SULT1A1: variants seen among roughly 807,000 people sequenced by gnomAD.
SULT1A1 encodes the protein sulfotransferase 1A1.
SULT1A1 carries 35 observed loss-of-function variants against 36.8 expected under a neutral mutation model. The ratio of observed to expected loss-of-function variants is 0.95; its 90% CI spans 0.73 to 1.26. SULT1A1 has a LOEUF of 1.26. Ranked by LOEUF, SULT1A1 falls within the 50% of genes most tolerant of loss-of-function variation. The pLI, the probability that SULT1A1 is intolerant of heterozygous loss-of-function variation, is 0.00. For synonymous variants in SULT1A1, 119 were observed against 146.0 expected (o/e 0.82, Z 1.33); for missense variants, 309 against 383.0 (o/e 0.81, Z 1.61).
intron 1 of SULT1A1, among the ~76,000 whole-genome samples, chr16:28,622,088 T>C (rs1444727681): frequency 6.6e-6 from 1 of 152,170 alleles, no homozygotes; most frequent in African/African-American, 2.4e-5. Flanking sequence ...GACTATAACC[T>C]ATGCAACCTA....
rs1596656118 is a variant in SULT1A1 at position 28,620,970 on chromosome 16, T to C, written c.68-837A>G. On this transcript the variant is annotated intron_variant, in intron 1 of 5. Coordinates refer to the SULT1A1 transcript ENST00000350842. ...TACTAAAAATACAAAATTAGCTGGG[T>C]GTGGTGGCGCATGCCTGTAATCCCA... Among the ~76,000 whole-genome samples the C allele has an allele frequency of 3.3e-5, 5 of 151,614 alleles. No homozygotes were observed. In the South Asian group the frequency reaches 6.2e-4, roughly 19 times the overall value.
At chr16:28,607,764 A>G (rs2047274494) in intron 4 of SULT1A1, 1 of 151,930 alleles carries the variant, frequency 6.6e-6, no homozygotes, top group Admixed American at 6.6e-5. Flanking sequence ...TTCCAGGCTC[A>G]AGCAATCCTC....
rs554402235 is a variant in SULT1A1 at position 28,609,364 on chromosome 16, T to C, written c.-4-505A>G. 1.2e-4 allele frequency: 150 copies of C among 1,290,004 alleles called. 2 individuals carry two copies. The Middle Eastern group carries it at 1.7e-3, about 15-fold the overall frequency. The allele number at this position is 1,290,004 out of a possible 1,614,324, so 79.9% of individuals were successfully genotyped here. A position where few individuals can be genotyped will look rare whatever the true frequency, so the allele number is the denominator to read the frequency against. ...CAGCCAGGCCTGTGATCCACTTGCC[T>C]GGCCACAGTCCATCTGGGCTCCAGG... On this transcript the variant is annotated intron_variant, in intron 1 of 7. Coordinates refer to ENST00000314752, the MANE Select transcript of SULT1A1 (RefSeq NM_001055.4).
chr16:28,606,542 G>GC (rs1246229694), intron 6 of SULT1A1, among the ~76,000 whole-genome samples: 7 of 151,846 alleles, frequency 4.6e-5, no homozygotes, highest in Non-Finnish European at 5.9e-5. Context: ...CTGATCCGTG[G>GC]CCCCCCATGC....
rs941924883 is a variant in SULT1A1, at chr16:28,607,945, G to A, written c.372+346C>T. On this transcript the variant is annotated intron_variant, in intron 4 of 7. Coordinates refer to ENST00000314752, the MANE Select transcript of SULT1A1 (RefSeq NM_001055.4). The stretch of plus-strand genomic sequence containing the variant: ...CTCCCAAAGTGCTGGCATTACAGCA[G>A]TGAGCCACCACAGGTGCCACAGTTT... 1.2e-5 allele frequency: 2 copies of A among 163,838 alleles called. 1 individual carries two copies. Among genetic ancestry groups the A allele is most frequent in the Non-Finnish European group, 2.6e-5 (2 of 76,132 alleles). 10.1% of individuals were successfully genotyped at this position (163,838 alleles called of 1,614,324 possible). A position where few individuals can be genotyped will look rare whatever the true frequency, so the allele number is the denominator to read the frequency against.
Position 28,606,101 on chromosome 16 carries a change from G to C in SULT1A1, c.730C>G (p.Pro244Ala), listed in dbSNP as rs201532344. The change falls in exon 7 of 8, where the codon CCC becomes GCC. Residue 244 changes from proline (P) to alanine (A), a missense_variant. Physicochemically the swap from Pro to Ala is conservative, Grantham distance 27. Transcript: ENST00000314752. ...KNPMTNYTTV[P>A]QEFMDHSISP... is the part of the protein sequence containing the mutation. Reference sequence around the variant, plus strand: ...ATGCTGTGGTCCATGAACTCCTGGGGGACGGTGGTGTAGTTGGTCATAGGG... The same window carrying C: ...ATGCTGTGGTCCATGAACTCCTGGGCGACGGTGGTGTAGTTGGTCATAGGG... The C allele has an allele frequency of 6.2e-5, 100 of 1,611,484 alleles. 4 individuals are homozygous for C. Among genetic ancestry groups the C allele is most frequent in the Non-Finnish European group, 8.1e-5 (96 of 1,178,208 alleles).
At position 28,617,687 on chromosome 16, in the gene SULT1A1, A is replaced by G. The variant is rs546164128; in HGVS notation, c.138+2376T>C. Among the ~76,000 whole-genome samples, 3 of 151,858 alleles carry G rather than the reference A, an allele frequency of 2.0e-5. No individual in the cohort carries two copies. In the East Asian group the frequency reaches 5.8e-4, roughly 29 times the overall value. On this transcript the variant is annotated intron_variant, in intron 2 of 5. Coordinates refer to the SULT1A1 transcript ENST00000350842. ...CTCCTGAGTAGCTGGGATTACAGGC[A>G]CCCGCCACCATGCCTGGCTAATTTT...
intron 2 of SULT1A1, among the ~76,000 whole-genome samples, chr16:28,616,623 A>G (rs1444050124): frequency 3.3e-5 from 5 of 152,004 alleles, no homozygotes; most frequent in Admixed American, 3.3e-4. Context: ...GGGTCTTGCT[A>G]TGTTGCCCAA....
chr16:28,607,028 T>A lies in SULT1A1; in HGVS notation c.422A>T (p.His141Leu). The A allele has an allele frequency of 1.2e-6, 2 of 1,612,470 alleles. 1 individual carries two copies. The highest frequency in any genetic ancestry group is 1.7e-6 in the Non-Finnish European group (2 of 1,178,700). Residue 141 changes from histidine (H) to leucine (L), a missense_variant, in exon 5 of 8, where the codon CAC (histidine) becomes CTC (leucine). Physicochemically the swap from His to Leu is moderately conservative, Grantham distance 99. Around this residue, in one of 3 missense-constraint regions of SULT1A1, gnomAD observed 219 missense variants for 215.3 expected, o/e 1.02. Transcript: ENST00000314752. The stretch of plus-strand genomic sequence containing the variant: ...GTGCACCTTGGCCATGTGGTAGAAG[T>A]GGTAGTAGGAAACTGCCACATCCTT... ...NAKDVAVSYY[H>L]FYHMAKVHPE...
Position 28,605,459 on chromosome 16 carries a change from A to C in SULT1A1, c.*362T>G. ...ATAATTTTCTCAAATTTTTGTAGGG[A>C]TGATGTCTTGTAATGTTGAACAGGC... On this transcript the variant is annotated 3_prime_UTR_variant, in exon 8 of 8. Coordinates refer to ENST00000314752, the MANE Select transcript of SULT1A1 (RefSeq NM_001055.4). The C allele has an allele frequency of 2.7e-6, 1 of 366,220 alleles. No homozygotes were observed. The highest frequency in any genetic ancestry group is 5.2e-6 in the Non-Finnish European group (1 of 193,212). The allele number at this position is 366,220 out of a possible 1,614,324, so 22.7% of individuals were successfully genotyped here.
intron 2 of SULT1A1, chr16:28,620,012 T>TGTGC: frequency 6.8e-7 from 1 of 1,476,698 alleles, no homozygotes; most frequent in Admixed American, 1.7e-5. Flanking sequence ...TGTGTGTGTG[T>TGTGC]ATATACACAC....
Position 28,608,111 on chromosome 16 carries a change from C to T in SULT1A1, c.372+180G>A, listed in dbSNP as rs575627252. 1.0e-4 allele frequency: 92 copies of T among 881,446 alleles called. No homozygotes were observed. In the African/African-American group the frequency reaches 1.2e-3, roughly 11 times the overall value. 54.6% of individuals were successfully genotyped at this position (881,446 alleles called of 1,614,324 possible). Reference sequence around the variant, plus strand: ...CAAGTGATTCTCCTGTCTCAGGCTTCGGAGTAGCTGGGATTACAGGCACCC... The same window carrying T: ...CAAGTGATTCTCCTGTCTCAGGCTTTGGAGTAGCTGGGATTACAGGCACCC... On this transcript the variant is annotated intron_variant, in intron 4 of 7. Coordinates refer to ENST00000314752, the MANE Select transcript of SULT1A1 (RefSeq NM_001055.4).
rs560603060 is a variant in SULT1A1, at chr16:28,621,794, C to G, written c.67+1337G>C. 2.0e-4 allele frequency among the ~76,000 whole-genome samples: 30 copies of G among 152,230 alleles called. 1 individual carries two copies. The South Asian group carries it at 5.2e-3, about 26-fold the overall frequency. ...TCTCCCCAGTTACCCACCCCATCCC[C>G]TTCAAGGCTATAGAAATTGCAATGA... is the stretch of plus-strand genomic sequence containing the variant. On this transcript the variant is annotated intron_variant, in intron 1 of 5. Coordinates refer to the SULT1A1 transcript ENST00000350842.
chr16:28,616,033 C>T (rs1386025694), intron 2 of SULT1A1, among the ~76,000 whole-genome samples: 1 of 152,148 alleles, frequency 6.6e-6, no homozygotes, highest in Admixed American at 6.5e-5. Flanking sequence ...CACGATCCGC[C>T]TGGTAACGGG....
At chr16:28,620,024 CA>C in intron 2 of SULT1A1, 1 of 1,574,982 alleles carries the variant, frequency 6.3e-7, no homozygotes, top group Non-Finnish European at 8.7e-7. Context: ...TATACACACA[CA>C]AAAAGATACT....
exon 2 of SULT1A1, chr16:28,620,123 A>G: frequency 5.0e-6 from 8 of 1,613,046 alleles, no homozygotes; most frequent in Non-Finnish European, 6.8e-6. Context: ...TTCCCTGGAG[A>G]ATGCTCATAC....
At chr16:28,623,178 C>T (rs751373192) in exon 1 of SULT1A1, 34 of 1,547,524 alleles carry the variant, frequency 2.2e-5, no homozygotes, top group Non-Finnish European at 2.9e-5. Context: ...CACCTGGTCG[C>T]ACAGCAACTT....
chr16:28,608,137 G>A (rs1039284862), intron 4 of SULT1A1, 154 bp downstream of exon 4: 17 of 1,138,478 alleles, frequency 1.5e-5, no homozygotes, highest in Admixed American at 8.2e-5. Flanking sequence ...ACAGGCACCC[G>A]CCACCACACC....
chr16:28,620,288 G>T (rs1381288129), intron 1 of SULT1A1, among the ~76,000 whole-genome samples: 3 of 152,144 alleles, frequency 2.0e-5, no homozygotes, highest in Non-Finnish European at 4.4e-5. Context: ...AACATAGACA[G>T]GTGCCGTGGC....
Sources: gnomAD v4.1 joint callset for allele counts (sites outside exome capture counted in the v4.1 genomes callset) on GRCh38, gnomAD v4.1.1 for gene constraint, gnomAD v4.1.1 regional missense constraint, MANE v1.5 for transcripts, NCBI Gene and HGNC (gene_info 2026-07-23, HGNC 2026-07-21) for gene names.